The following TSHZ2 variants were observed in gnomAD, a reference collection of about 807,000 sequenced individuals.
TSHZ2 encodes the protein teashirt zinc finger homeobox 2, also known as teashirt homolog 2.
TSHZ2 carries 21 observed loss-of-function variants against 74.4 expected under a neutral mutation model. The ratio of observed to expected loss-of-function variants is 0.28; its 90% CI spans 0.20 to 0.41. The LOEUF is 0.41. Among genes scored for constraint, TSHZ2 ranks in the 10% least tolerant of loss-of-function variants. The pLI, the probability that TSHZ2 is intolerant of heterozygous loss-of-function variation, is 1.00. For synonymous variants in TSHZ2, 540 were observed against 515.3 expected (o/e 1.05, Z -0.65); for missense variants, 1,244 against 1,293.5 (o/e 0.96, Z 0.59).
chr20:53,411,826 C>A (rs1399897640), intron 2 of TSHZ2, among the ~76,000 whole-genome samples: 1 of 151,574 alleles, frequency 6.6e-6, no homozygotes. Context: ...AAGACCCTGC[C>A]TCAAAAAATA....
At chr20:53,089,324 T>TC in intron 1 of TSHZ2, among the ~76,000 whole-genome samples, 1 of 118,378 alleles carries the variant, frequency 8.4e-6, no homozygotes, top group South Asian at 3.5e-4. Context: ...GATTTTCTTT[T>TC]TTTTTTTTTT....
intron 1 of TSHZ2, among the ~76,000 whole-genome samples, chr20:53,026,275 T>C (rs1309611218): frequency 6.6e-6 from 1 of 152,076 alleles, no homozygotes; most frequent in Admixed American, 6.6e-5. Flanking sequence ...CTCTTCTCTA[T>C]GTCAGGCCAC....
chr20:52,975,368 A>G (rs1353746839), intron 1 of TSHZ2, among the ~76,000 whole-genome samples: 1 of 152,160 alleles, frequency 6.6e-6, no homozygotes, highest in African/African-American at 2.4e-5. Context: ...TGCATTGCTC[A>G]GAATTGCTCG....
intron 2 of TSHZ2, among the ~76,000 whole-genome samples, chr20:53,371,030 A>C (rs896744346): frequency 6.6e-6 from 1 of 152,176 alleles, no homozygotes; most frequent in Non-Finnish European, 1.5e-5. Context: ...TTGCGGCCGC[A>C]TCGCTCCAGC....
At chr20:53,302,224 A>G (rs1198793832) in intron 2 of TSHZ2, among the ~76,000 whole-genome samples, 1 of 152,152 alleles carries the variant, frequency 6.6e-6, no homozygotes, top group Non-Finnish European at 1.5e-5. Context: ...TCAGAAGGAC[A>G]GCCGAGAGTA....
At chr20:53,429,741 C>G (rs539059511) in intron 2 of TSHZ2, among the ~76,000 whole-genome samples, 1 of 152,096 alleles carries the variant, frequency 6.6e-6, no homozygotes, top group East Asian at 1.9e-4. Context: ...TACCCTTGAC[C>G]CTGAAGGTAC....
In TSHZ2 at chr20:52,974,736, A is replaced by G. The variant is rs536104633; in HGVS notation, c.40+1403A>G. Among the ~76,000 whole-genome samples the G allele has an allele frequency of 1.7e-4, 26 of 152,322 alleles. No individual in the cohort carries two copies. In the East Asian group the frequency reaches 2.1e-3, roughly 12 times the overall value. ...ATCCCTTGTCTGAATGTGTTGAACCACCAAGCTCATCCTCCTTCCTCGCCT... is the reference window on the plus strand; with the variant it reads ...ATCCCTTGTCTGAATGTGTTGAACCGCCAAGCTCATCCTCCTTCCTCGCCT... On this transcript the variant is annotated intron_variant, in intron 1 of 2. Transcript: ENST00000371497.
intron 1 of TSHZ2, among the ~76,000 whole-genome samples, chr20:53,241,093 A>G (rs1221171090): frequency 6.6e-6 from 1 of 152,194 alleles, no homozygotes; most frequent in Non-Finnish European, 1.5e-5. Flanking sequence ...CATTTTCTCT[A>G]TAGGTAGGGA....
chr20:53,188,782 G>A (rs752763362), intron 1 of TSHZ2, among the ~76,000 whole-genome samples: 16 of 152,066 alleles, frequency 1.1e-4, no homozygotes, highest in Non-Finnish European at 1.5e-4. Context: ...TTATAAGAAC[G>A]TAAATTGCCT....
At chr20:53,229,371 C>T (rs1989764986) in intron 1 of TSHZ2, among the ~76,000 whole-genome samples, 1 of 152,182 alleles carries the variant, frequency 6.6e-6, no homozygotes, top group African/African-American at 2.4e-5. Context: ...CCATTGGCTT[C>T]ACGCTCACAG....
At chr20:53,228,027 T>G (rs1401498654) in intron 1 of TSHZ2, among the ~76,000 whole-genome samples, 2 of 150,374 alleles carry the variant, frequency 1.3e-5, no homozygotes, top group Non-Finnish European at 1.5e-5. Context: ...GTGTTTTTTT[T>G]TTTTTTTTTT....
chr20:53,266,946 T>G (rs2250525), intron 2 of TSHZ2, among the ~76,000 whole-genome samples: 105,633 of 151,852 alleles, frequency 0.7, 36,966 homozygotes, highest in African/African-American at 0.79. Context: ...TCAGCTAATT[T>G]TCTGTGTTTT....
At chr20:53,449,051 C>T (rs1984668491) in intron 2 of TSHZ2, among the ~76,000 whole-genome samples, 1 of 152,168 alleles carries the variant, frequency 6.6e-6, no homozygotes, top group Non-Finnish European at 1.5e-5. Context: ...TATGTGACTC[C>T]TCCAGTCATG....
intron 1 of TSHZ2, among the ~76,000 whole-genome samples, chr20:53,001,250 G>GTGTGTGTGTGTGTGTT (rs1568713646): frequency 7.8e-6 from 1 of 128,958 alleles, no homozygotes; most frequent in African/African-American, 2.8e-5. Flanking sequence ...GTGTGTGTGT[G>GTGTGTGTGTGTGTGTT]TGTGTTTGGG....
At chr20:53,089,001 G>A (rs1407862760) in intron 1 of TSHZ2, among the ~76,000 whole-genome samples, 1 of 152,032 alleles carries the variant, frequency 6.6e-6, no homozygotes, top group East Asian at 1.9e-4. Context: ...TCATAGCAAC[G>A]GCTCCTTGAC....
chr20:53,321,191 C>T (rs1979245562), intron 2 of TSHZ2, among the ~76,000 whole-genome samples: 1 of 152,286 alleles, frequency 6.6e-6, no homozygotes, highest in South Asian at 2.1e-4. Context: ...TTTTATTACA[C>T]AATGTTCATA....
Position 53,320,676 on chromosome 20 carries a change from C to T in TSHZ2, c.*8+64105C>T, listed in dbSNP as rs1333123450. Among the ~76,000 whole-genome samples the T allele has an allele frequency of 2.0e-5, 3 of 152,248 alleles. No individual in the cohort carries two copies. The East Asian group carries it at 5.8e-4, about 29-fold the overall frequency. On this transcript the variant is annotated intron_variant, in intron 2 of 2. Coordinates refer to ENST00000371497, the MANE Select transcript of TSHZ2 (RefSeq NM_173485.6). ...GTGTTAGGGGGTGTTAAAAACACAT[C>T]AGCACAAAGCTCACCCTTTGACTCA...
At chr20:53,355,190 A>G (rs1423762933) in intron 2 of TSHZ2, among the ~76,000 whole-genome samples, 1 of 152,240 alleles carries the variant, frequency 6.6e-6, no homozygotes, top group Non-Finnish European at 1.5e-5. Context: ...AAAGGAAAAG[A>G]AAAAATAACT....
chr20:52,973,777 A>G (rs546864935), intron 1 of TSHZ2, among the ~76,000 whole-genome samples: 2 of 152,226 alleles, frequency 1.3e-5, no homozygotes, highest in South Asian at 4.1e-4. Context: ...TGTGAGGCAT[A>G]CCTAACACTC....
Sources: allele counts gnomAD v4.1 joint callset (sites outside exome capture counted in the v4.1 genomes callset), GRCh38; gene constraint gnomAD v4.1.1; transcripts MANE v1.5; gene names NCBI Gene and HGNC (gene_info 2026-07-23, HGNC 2026-07-21).